TRPC7: variants seen among roughly 807,000 people sequenced by gnomAD.
The protein encoded by TRPC7 is short transient receptor potential channel 7.
TRPC7 carries 42 observed loss-of-function variants against 90.1 expected under a neutral mutation model. The observed-to-expected ratio is 0.47, with a 90% CI of 0.36 to 0.60. The LOEUF (loss-of-function observed/expected upper bound fraction) is 0.60, where lower values mean the gene tolerates loss of function less well. Ranked by LOEUF, TRPC7 falls within the 20% of genes least tolerant of loss-of-function variation. TRPC7 has a pLI of 0.00. For missense variants in TRPC7, 955 were observed against 1,112.3 expected, an observed-to-expected ratio of 0.86 and a Z score of 2.01; for synonymous variants, 451 against 436.3, an observed-to-expected ratio of 1.03 and a Z score of -0.42.
chr5:136,322,381 C>G (rs551007229), intron 2 of TRPC7, among the ~76,000 whole-genome samples: 2 of 152,220 alleles, frequency 1.3e-5, no homozygotes, highest in African/African-American at 4.8e-5. Context: ...TGCCTAGGAG[C>G]GGGATTGCTG....
chr5:136,224,570 G>T (rs183773256), intron 10 of TRPC7, among the ~76,000 whole-genome samples: 1 of 152,082 alleles, frequency 6.6e-6, no homozygotes, highest in African/African-American at 2.4e-5. Flanking sequence ...CACCCTGCTC[G>T]TACCCCAATC....
At position 136,266,086 on chromosome 5, in the gene TRPC7, T is replaced by C. The variant is rs1333697737; in HGVS notation, c.1345+134A>G. ...AAGACAGAAGTTGACTCTGACTTTC[T>C]TGTTGGTCATCCACTCACCATTTTG... On this transcript the variant is annotated intron_variant, in intron 5 of 11. Coordinates refer to ENST00000513104, the MANE Select transcript of TRPC7 (RefSeq NM_020389.3). The C allele has an allele frequency of 1.7e-5, 13 of 767,538 alleles. No individual in the cohort carries two copies. In the East Asian group the frequency reaches 2.5e-4, roughly 15 times the overall value. 47.5% of individuals were successfully genotyped at this position (767,538 alleles called of 1,614,324 possible).
chr5:136,306,316 T>C (rs1466018796), intron 3 of TRPC7, among the ~76,000 whole-genome samples: 1 of 152,182 alleles, frequency 6.6e-6, no homozygotes, highest in African/African-American at 2.4e-5. Flanking sequence ...CAAAACCATA[T>C]CCAGGCCATC....
chr5:136,245,195 T>G (rs988092837), intron 7 of TRPC7, among the ~76,000 whole-genome samples: 2 of 152,186 alleles, frequency 1.3e-5, no homozygotes, highest in Admixed American at 1.3e-4. Context: ...TGTCGGTCCA[T>G]GGGGTACCAA....
Position 136,247,678 on chromosome 5 carries a change from A to G in TRPC7, c.1637T>C (p.Ile546Thr). 1.2e-6 allele frequency: 2 copies of G among 1,614,014 alleles called. No individual in the cohort carries two copies. Among genetic ancestry groups the G allele is most frequent in the African/African-American group, 1.3e-5 (1 of 75,048 alleles). Residue 546 changes from isoleucine (I) to threonine (T), a missense_variant, in exon 7 of 12, where the codon ATA becomes ACA. By Grantham distance (89) the Ile-to-Thr change is moderately conservative. Around this residue, in one of 4 missense-constraint regions of TRPC7, gnomAD observed 296 missense variants for 422.7 expected, o/e 0.70. Transcript: ENST00000513104. The surrounding 1 kb of genome is among the most constrained non-coding windows in gnomAD (Gnocchi z 4.2). ...PQIISEGLYA[I>T]AVVLSFSRIA... The stretch of plus-strand genomic sequence containing the variant: ...GCGAGAGAAGCTCAGCACGACGGCT[A>G]TCGCGTAGAGCCCTTCCGATATGAT...
intron 1 of TRPC7, among the ~76,000 whole-genome samples, chr5:136,360,878 C>T (rs1168958532): frequency 1.3e-5 from 2 of 152,074 alleles, no homozygotes; most frequent in African/African-American, 4.8e-5. Context: ...TCCCTCTTAC[C>T]CTAATATCCC....
chr5:136,338,849 C>G (rs1008567696), intron 2 of TRPC7, among the ~76,000 whole-genome samples: 1 of 151,788 alleles, frequency 6.6e-6, no homozygotes, highest in Non-Finnish European at 1.5e-5. Flanking sequence ...AAAACAACAA[C>G]CATGAATTGT....
chr5:136,362,130 T>C (rs1033287899), intron 1 of TRPC7, among the ~76,000 whole-genome samples: 2 of 152,196 alleles, frequency 1.3e-5, no homozygotes, highest in African/African-American at 4.8e-5. Context: ...ATATTTAACA[T>C]ATATTACACA....
rs1755626893 is a variant in TRPC7 at position 136,226,236 on chromosome 5, C to T, written c.2060G>A (p.Trp687Ter). The change falls in exon 9 of 12, where the codon TGG (tryptophan) becomes TAG (stop). Residue 687 changes from tryptophan (W) to a stop codon, truncating the protein, a stop_gained. Coordinates refer to ENST00000513104, the MANE Select transcript of TRPC7 (RefSeq NM_020389.3). LOFTEE classifies it high-confidence loss of function. Reference sequence around the variant, plus strand: ...CCAGAGTTTTGCTCGGGCGAACTTCCATTCCACATCTGCATCCTCCTGTGG... The same window carrying T: ...CCAGAGTTTTGCTCGGGCGAACTTCTATTCCACATCTGCATCCTCCTGTGG... ...QEIEEDADVE[W>*]KFARAKLWLS... 1 of 1,551,532 alleles carries T rather than the reference C, an allele frequency of 6.4e-7. No individual in the cohort carries two copies. The highest frequency in any genetic ancestry group is 8.7e-7 in the Non-Finnish European group (1 of 1,146,984).
At chr5:136,350,604 T>C (rs1760163235) in intron 2 of TRPC7, among the ~76,000 whole-genome samples, 1 of 152,072 alleles carries the variant, frequency 6.6e-6, no homozygotes, top group East Asian at 1.9e-4. Context: ...GGCAGAAAAA[T>C]AGAAAAAAAC....
rs1301951158 is a variant in TRPC7 at position 136,356,776 on chromosome 5, G to A, written c.612C>T (p.Thr204=). 1 of 1,612,260 alleles carries A rather than the reference G, an allele frequency of 6.2e-7. No individual in the cohort carries two copies. The highest frequency in any genetic ancestry group is 8.5e-7 in the Non-Finnish European group (1 of 1,178,916). The stretch of plus-strand genomic sequence containing the variant: ...TGAAGGAGTCTTTCCGCTGTTTCTC[G>A]GTGCACTCATTGCACTTGCAGAAGT... ...HDYFCKCNEC[T]EKQRKDSFSH... The change falls in exon 2 of 12, where the codon ACC becomes ACT. Residue 204 remains threonine, a synonymous_variant. Transcript: ENST00000513104.
At chr5:136,352,609 G>A (rs559583012) in intron 2 of TRPC7, among the ~76,000 whole-genome samples, 2 of 152,124 alleles carry the variant, frequency 1.3e-5, no homozygotes, top group Non-Finnish European at 2.9e-5. Flanking sequence ...TCTACACAGA[G>A]AGCGCATATT....
At chr5:136,237,906 C>T (rs1756033787) in intron 7 of TRPC7, among the ~76,000 whole-genome samples, 1 of 152,230 alleles carries the variant, frequency 6.6e-6, no homozygotes, top group African/African-American at 2.4e-5. Flanking sequence ...GATCCTGCCC[C>T]TCTCTGTTAG....
chr5:136,262,736 C>T (rs1202592680), intron 5 of TRPC7, among the ~76,000 whole-genome samples: 1 of 152,096 alleles, frequency 6.6e-6, no homozygotes, highest in African/African-American at 2.4e-5. Flanking sequence ...TATTTTTAGG[C>T]ATTGGAAATA....
intron 5 of TRPC7, among the ~76,000 whole-genome samples, chr5:136,266,017 T>C (rs895899803): frequency 1.3e-5 from 2 of 152,150 alleles, no homozygotes; most frequent in Admixed American, 6.5e-5. Flanking sequence ...GCCCCAAACA[T>C]TTCCTTTCAA....
At chr5:136,362,089 AG>A (rs1206061732) in intron 1 of TRPC7, among the ~76,000 whole-genome samples, 1 of 152,186 alleles carries the variant, frequency 6.6e-6, no homozygotes, top group Non-Finnish European at 1.5e-5. Flanking sequence ...TACTCAGCTT[AG>A]CTATTTTTCT....
intron 5 of TRPC7, among the ~76,000 whole-genome samples, chr5:136,254,434 T>C (rs1756624098): frequency 6.6e-6 from 1 of 152,134 alleles, no homozygotes; most frequent in African/African-American, 2.4e-5. Flanking sequence ...CCTAGGGCCC[T>C]TAAGAATTAT....
At chr5:136,360,994 A>T (rs1443501997) in intron 1 of TRPC7, among the ~76,000 whole-genome samples, 2 of 152,186 alleles carry the variant, frequency 1.3e-5, no homozygotes, top group Non-Finnish European at 2.9e-5. Flanking sequence ...AGCTATACAT[A>T]TCACACGGGT....
At chr5:136,259,347 T>C (rs1195694747) in intron 5 of TRPC7, among the ~76,000 whole-genome samples, 1 of 152,228 alleles carries the variant, frequency 6.6e-6, no homozygotes, top group African/African-American at 2.4e-5. Context: ...GGTTAGGAAC[T>C]CATTCACCCA....
Sources: gnomAD v4.1 joint callset for allele counts (sites outside exome capture counted in the v4.1 genomes callset) on GRCh38, gnomAD v4.1.1 for gene constraint, gnomAD v4.1.1 regional missense constraint, Gnocchi (gnomAD v3.1) non-coding constraint, MANE v1.5 for transcripts, NCBI Gene and HGNC (gene_info 2026-07-23, HGNC 2026-07-21) for gene names.